The following KDM4B variants were observed in gnomAD, a reference collection of about 807,000 sequenced individuals.
KDM4B encodes lysine-specific demethylase 4B.
A neutral mutation model predicts 125.2 loss-of-function variants in KDM4B; 32 were observed. The ratio of observed to expected loss-of-function variants is 0.26; its 90% confidence interval spans 0.19 to 0.34. The LOEUF is 0.34. KDM4B is among the 10% of genes least tolerant of loss of function. The pLI is 1.00. For synonymous variants in KDM4B, 721 were observed against 677.9 expected, an observed-to-expected ratio of 1.06 and a Z score of -0.99; for missense variants, 1,190 against 1,577.7, an observed-to-expected ratio of 0.75 and a Z score of 4.16.
At chr19:4,975,706 C>A (rs1217132394) in intron 1 of KDM4B, among the ~76,000 whole-genome samples, 2 of 151,324 alleles carry the variant, frequency 1.3e-5, no homozygotes, top group Non-Finnish European at 2.9e-5. Flanking sequence ...GATTCTCCTA[C>A]TTCAGCCTCT....
Position 5,041,233 on chromosome 19 carries a change from C to T in KDM4B, c.414C>T (p.Ser138=), listed in dbSNP as rs772094220. ...FVSPIYGADI[S]GSLYDDDVAQ... is the part of the protein sequence containing the mutation. The stretch of plus-strand genomic sequence containing the variant: ...CCCCGATCTACGGGGCTGACATCAG[C>T]GGCTCTTTGTATGATGACGTAAGTA... Residue 138 remains serine, a synonymous_variant, in exon 5 of 23, where the codon AGC becomes AGT. Coordinates refer to ENST00000159111, the MANE Select transcript of KDM4B (RefSeq NM_015015.3). The T allele has an allele frequency of 1.6e-5, 26 of 1,612,226 alleles. No individual in the cohort carries two copies. Among genetic ancestry groups the T allele is most frequent in the African/African-American group, 5.3e-5 (4 of 74,884 alleles).
chr19:5,095,048 G>A (rs1424242985), intron 9 of KDM4B, among the ~76,000 whole-genome samples: 5 of 152,154 alleles, frequency 3.3e-5, no homozygotes, highest in East Asian at 1.9e-4. Flanking sequence ...ATGTCCTGTC[G>A]GCAGCTATGA....
chr19:5,049,731 G>A (rs765061713), intron 6 of KDM4B, among the ~76,000 whole-genome samples: 1 of 152,140 alleles, frequency 6.6e-6, no homozygotes, highest in Non-Finnish European at 1.5e-5. Context: ...ATTAGCCAAC[G>A]TCTACTACGG....
At chr19:5,068,326 G>A (rs1384120226) in intron 6 of KDM4B, among the ~76,000 whole-genome samples, 2 of 152,130 alleles carry the variant, frequency 1.3e-5, no homozygotes, top group African/African-American at 4.8e-5. Context: ...TCCATGGCCC[G>A]CCCACCAGTG....
intron 1 of KDM4B, among the ~76,000 whole-genome samples, chr19:5,004,135 G>A (rs561061823): frequency 1.3e-5 from 2 of 152,194 alleles, no homozygotes; most frequent in South Asian, 2.1e-4. Context: ...GGTGGATGGC[G>A]TGTGTCCTGG....
At chr19:5,125,309 C>T (rs1388131480) in intron 11 of KDM4B, among the ~76,000 whole-genome samples, 1 of 152,184 alleles carries the variant, frequency 6.6e-6, no homozygotes, top group Non-Finnish European at 1.5e-5. Flanking sequence ...ATGGCCTTGG[C>T]CTCCAAGAGA....
intron 9 of KDM4B, among the ~76,000 whole-genome samples, chr19:5,085,278 A>C (rs2038454656): frequency 6.6e-6 from 1 of 152,158 alleles, no homozygotes; most frequent in African/African-American, 2.4e-5. Flanking sequence ...AGAAGTTGGG[A>C]TTTCAGCTTT....
intron 10 of KDM4B, among the ~76,000 whole-genome samples, chr19:5,118,713 C>A (rs1046976633): frequency 6.6e-6 from 1 of 152,218 alleles, no homozygotes; most frequent in Admixed American, 6.5e-5. Context: ...CACTTTTCCT[C>A]CCTTTTTCAG....
chr19:5,083,544 G>A (rs947214748), intron 9 of KDM4B, among the ~76,000 whole-genome samples: 2 of 152,222 alleles, frequency 1.3e-5, no homozygotes, highest in Non-Finnish European at 2.9e-5. Context: ...AGTCCCCTGC[G>A]TGCTTTTCCT....
intron 6 of KDM4B, among the ~76,000 whole-genome samples, chr19:5,067,591 G>C (rs967176525): frequency 6.6e-6 from 1 of 151,804 alleles, no homozygotes; most frequent in Non-Finnish European, 1.5e-5. Flanking sequence ...CAGAGAGCTG[G>C]TGTGGGGGCC....
chr19:5,104,935 C>G (rs529691815), intron 9 of KDM4B, among the ~76,000 whole-genome samples: 2 of 152,324 alleles, frequency 1.3e-5, no homozygotes, highest in East Asian at 3.9e-4. Context: ...CTGGGGCCAT[C>G]CCAGCCGGAA....
At chr19:5,110,847 T>A (rs369480043) in intron 10 of KDM4B, 29 bp downstream of exon 10, 59 of 1,516,564 alleles carry the variant, frequency 3.9e-5, no homozygotes, top group Admixed American at 1.0e-4. Context: ...GCCGCGTGAC[T>A]GCCCAGCATC....
At chr19:4,969,829 C>G (rs1396987973) in intron 1 of KDM4B, among the ~76,000 whole-genome samples, 1 of 151,444 alleles carries the variant, frequency 6.6e-6, no homozygotes, top group Non-Finnish European at 1.5e-5. Context: ...TGGTAGCTTC[C>G]AAACTTGCCC....
intron 2 of KDM4B, among the ~76,000 whole-genome samples, chr19:5,028,539 T>C (rs1039136365): frequency 3.9e-5 from 6 of 152,196 alleles, no homozygotes; most frequent in Admixed American, 3.9e-4. Flanking sequence ...TCTGCAGACG[T>C]GGTGTACACG....
intron 3 of KDM4B, among the ~76,000 whole-genome samples, chr19:5,034,622 G>A (rs568421163): frequency 7.9e-5 from 12 of 152,338 alleles, no homozygotes; most frequent in Middle Eastern, 3.4e-3. Flanking sequence ...AGTTTGCTGA[G>A]CGCTGAGGCC....
intron 10 of KDM4B, among the ~76,000 whole-genome samples, chr19:5,117,877 G>A (rs997155192): frequency 6.6e-6 from 1 of 152,232 alleles, no homozygotes; most frequent in Non-Finnish European, 1.5e-5. Context: ...GGTGGGCCAT[G>A]CTGCAGACAT....
intron 2 of KDM4B, among the ~76,000 whole-genome samples, chr19:5,031,409 G>A (rs1352932186): frequency 6.6e-6 from 1 of 152,248 alleles, no homozygotes; most frequent in East Asian, 1.9e-4. Flanking sequence ...CGTGCACGGT[G>A]CACTTGGGGC....
chr19:5,113,999 G>C, intron 10 of KDM4B: 4 of 1,259,408 alleles, frequency 3.2e-6, no homozygotes, highest in Non-Finnish European at 4.1e-6. Flanking sequence ...CTCGTTGAGC[G>C]AGCGTTGGGG....
chr19:5,060,433 CAAAAAAAAAAAAAA>C (rs901472663), intron 6 of KDM4B, among the ~76,000 whole-genome samples: 1,245 of 33,002 alleles, frequency 0.038, 31 homozygotes, highest in Middle Eastern at 0.13. Flanking sequence ...ACTCTGTCTC[CAAAAAAAAAAAAAA>C]AAAAAAAAAA....
Sources: gnomAD v4.1 joint callset for allele counts (sites outside exome capture counted in the v4.1 genomes callset) on GRCh38, gnomAD v4.1.1 for gene constraint, MANE v1.5 for transcripts, NCBI Gene and HGNC (gene_info 2026-07-23, HGNC 2026-07-21) for gene names.